The following PTPRQ variants were observed in gnomAD, a reference collection of about 807,000 sequenced individuals.
The protein encoded by PTPRQ is protein tyrosine phosphatase receptor type Q, also known as phosphatidylinositol phosphatase PTPRQ.
PTPRQ carries 199 observed loss-of-function variants against 246.0 expected under a neutral mutation model. The observed-to-expected ratio is 0.81, with a 90% CI of 0.72 to 0.91. The LOEUF is 0.91. Among genes scored for constraint, PTPRQ ranks in the 40% least tolerant of loss-of-function variants. The pLI, the probability that PTPRQ is intolerant of heterozygous loss-of-function variation, is 0.00. For synonymous variants in PTPRQ, 869 were observed against 853.2 expected, an observed-to-expected ratio of 1.02 and a Z score of -0.32; for missense variants, 2,624 against 2,528.4, an observed-to-expected ratio of 1.04 and a Z score of -0.81.
intron 25 of PTPRQ, among the ~76,000 whole-genome samples, chr12:80,579,793 T>G (rs983938379): frequency 1.3e-5 from 2 of 152,182 alleles, no homozygotes; most frequent in African/African-American, 2.4e-5. Flanking sequence ...ATCTGTATGT[T>G]GTGTTTCTAA....
chr12:80,627,089 T>C (rs1025186996), intron 33 of PTPRQ, among the ~76,000 whole-genome samples: 5 of 151,972 alleles, frequency 3.3e-5, no homozygotes, highest in Admixed American at 6.6e-5. Flanking sequence ...TATACACGTA[T>C]ATATTTATGG....
chr12:80,618,782 C>G (rs548352558), intron 30 of PTPRQ, among the ~76,000 whole-genome samples: 2 of 151,528 alleles, frequency 1.3e-5, no homozygotes, highest in South Asian at 4.1e-4. Context: ...CACTTGGAAA[C>G]ATTTAACCAA....
chr12:80,670,661 A>G (rs1292104010), intron 42 of PTPRQ, among the ~76,000 whole-genome samples, 169 bp downstream of exon 42: 1 of 152,086 alleles, frequency 6.6e-6, no homozygotes, highest in Non-Finnish European at 1.5e-5. Flanking sequence ...GTTTTCTGAC[A>G]TGATAGATCT....
chr12:80,654,401 A>T (rs191382307), intron 38 of PTPRQ, among the ~76,000 whole-genome samples: 79 of 152,332 alleles, frequency 5.2e-4, no homozygotes, highest in African/African-American at 1.8e-3. Context: ...TAAGTATAAA[A>T]GTTATGGACA....
intron 19 of PTPRQ, among the ~76,000 whole-genome samples, 154 bp from the exon 20 acceptor site, chr12:80,539,622 T>A (rs1011642923): frequency 1.3e-5 from 2 of 152,102 alleles, no homozygotes; most frequent in African/African-American, 4.8e-5. Flanking sequence ...CCAGTTTAAT[T>A]GTTGCAATAA....
At chr12:80,467,905 C>T (rs906509633) in intron 6 of PTPRQ, among the ~76,000 whole-genome samples, 1 of 151,052 alleles carries the variant, frequency 6.6e-6, no homozygotes, top group Non-Finnish European at 1.5e-5. Context: ...ATACCTAATG[C>T]TAAATGACGA....
rs561978688 is a variant in PTPRQ at position 80,453,195 on chromosome 12, G to A, written c.391-4380G>A. 2.2e-3 allele frequency among the ~76,000 whole-genome samples: 342 copies of A among 152,100 alleles called. 1 individual carries two copies. The highest frequency in any genetic ancestry group is 6.0e-3 in the South Asian group (29 of 4,822). On this transcript the variant is annotated intron_variant, in intron 3 of 44. Transcript: ENST00000644991. ...CTTCTGCATTCTTCACGTAGTTTTC[G>A]AGCCTTGGCTTTCAGCTCCATCAGC...
chr12:80,555,994 A>C (rs558309781), intron 25 of PTPRQ, among the ~76,000 whole-genome samples: 2 of 152,198 alleles, frequency 1.3e-5, no homozygotes. Flanking sequence ...TAAAACAAAC[A>C]CAAACCTACA....
At chr12:80,659,924 C>T (rs1293944332) in intron 39 of PTPRQ, among the ~76,000 whole-genome samples, 4 of 151,924 alleles carry the variant, frequency 2.6e-5, no homozygotes, top group Admixed American at 1.3e-4. Context: ...AGAGAAATCT[C>T]CTTTGCTCAG....
At chr12:80,549,800 C>T (rs1019490524) in intron 25 of PTPRQ, 66 bp downstream of exon 25, 4 of 1,465,524 alleles carry the variant, frequency 2.7e-6, no homozygotes, top group Non-Finnish European at 2.7e-6. Context: ...GTCAATACCA[C>T]CTGCAATCTT....
chr12:80,511,191 G>A (rs909301928), intron 17 of PTPRQ, among the ~76,000 whole-genome samples: 2 of 152,110 alleles, frequency 1.3e-5, no homozygotes, highest in African/African-American at 4.8e-5. Flanking sequence ...TGAGGGAGAT[G>A]CCATGATGTT....
chr12:80,612,612 A>G (rs1898595479), intron 28 of PTPRQ, among the ~76,000 whole-genome samples: 1 of 150,430 alleles, frequency 6.6e-6, no homozygotes, highest in South Asian at 2.1e-4. Flanking sequence ...GCCACAATGG[A>G]AAATAATTTT....
intron 8 of PTPRQ, among the ~76,000 whole-genome samples, chr12:80,475,975 T>C (rs1056802624): frequency 6.6e-6 from 1 of 152,112 alleles, no homozygotes; most frequent in South Asian, 2.1e-4. Flanking sequence ...TGACTTGAAC[T>C]GATCATTTCA....
rs147774771 is a variant in PTPRQ, at chr12:80,594,209, A to G, written c.4609+5757A>G. 6.6e-5 allele frequency among the ~76,000 whole-genome samples: 10 copies of G among 152,306 alleles called. No individual in the cohort carries two copies. The East Asian group carries it at 1.7e-3, about 26-fold the overall frequency. ...TAGTTTTTTCTAAACTGTGTAATAC[A>G]CTTATGTGATAAGTGTTATAGTAAC... On this transcript the variant is annotated intron_variant, in intron 26 of 44. Coordinates refer to ENST00000644991, the MANE Select transcript of PTPRQ (RefSeq NM_001145026.2).
chr12:80,519,440 G>A (rs1026169308), intron 17 of PTPRQ, among the ~76,000 whole-genome samples: 8 of 152,180 alleles, frequency 5.3e-5, no homozygotes, highest in African/African-American at 1.9e-4. Context: ...AATTTGGAAA[G>A]GAGACTTTAT....
chr12:80,459,757 A>C (rs1893092682), intron 5 of PTPRQ, among the ~76,000 whole-genome samples: 1 of 152,210 alleles, frequency 6.6e-6, no homozygotes, highest in Non-Finnish European at 1.5e-5. Flanking sequence ...TCATCAAAGG[A>C]GTAGCATTTG....
intron 32 of PTPRQ, among the ~76,000 whole-genome samples, 154 bp from the exon 33 acceptor site, chr12:80,621,907 A>G (rs1262819712): frequency 1.3e-5 from 2 of 152,042 alleles, no homozygotes; most frequent in East Asian, 1.9e-4. Flanking sequence ...TATAGCATAT[A>G]TTTCTCCTGA....
intron 33 of PTPRQ, among the ~76,000 whole-genome samples, chr12:80,624,609 C>T (rs995172017): frequency 2.0e-5 from 3 of 152,176 alleles, no homozygotes; most frequent in African/African-American, 7.2e-5. Flanking sequence ...ACTAGCAAAG[C>T]AGCCCAGCCA....
chr12:80,624,368 G>T (rs1002994289), intron 33 of PTPRQ, among the ~76,000 whole-genome samples: 2 of 152,254 alleles, frequency 1.3e-5, no homozygotes, highest in East Asian at 3.9e-4. Context: ...AGTCTTTTAG[G>T]TTGCTCCTTA....
Sources: gnomAD v4.1 joint callset for allele counts (sites outside exome capture counted in the v4.1 genomes callset) on GRCh38, gnomAD v4.1.1 for gene constraint, MANE v1.5 for transcripts, NCBI Gene and HGNC (gene_info 2026-07-23, HGNC 2026-07-21) for gene names.